Variants in NAV3 observed in about 807,000 individuals in gnomAD.
The protein encoded by NAV3 is pore membrane and/or filament interacting like protein 1.
Under a neutral mutation model 244.7 loss-of-function variants are expected in NAV3, and 87 were observed. That is an observed-to-expected ratio of 0.36 (90% confidence interval 0.30 to 0.42). The LOEUF is 0.42. Among genes scored for constraint, NAV3 ranks in the 20% least tolerant of loss-of-function variants. The probability of loss-of-function intolerance (pLI) is 1.00; values close to 1 mark genes in which losing one functional copy is unlikely to be tolerated. For synonymous variants in NAV3, 1,126 were observed against 1,042.2 expected, an observed-to-expected ratio of 1.08 and a Z score of -1.55; for missense variants, 2,663 against 2,893.3, an observed-to-expected ratio of 0.92 and a Z score of 1.83.
intron 2 of NAV3, among the ~76,000 whole-genome samples, chr12:77,759,925 TCTGCTTGCAG>T (rs1869379475): frequency 6.6e-6 from 1 of 152,382 alleles, no homozygotes; most frequent in East Asian, 1.9e-4. Context: ...GCACTGGGTT[TCTGCTTGCAG>T]CAGATACCCA....
chr12:78,086,487 G>A (rs903093216), intron 12 of NAV3, among the ~76,000 whole-genome samples: 1 of 152,024 alleles, frequency 6.6e-6, no homozygotes. Context: ...TTCCTTGCAA[G>A]AGTATGGCTA....
intron 5 of NAV3, among the ~76,000 whole-genome samples, chr12:77,989,910 A>G (rs1399420633): frequency 6.6e-6 from 1 of 152,182 alleles, no homozygotes; most frequent in African/African-American, 2.4e-5. Flanking sequence ...TCATGGACCC[A>G]TCAATCTGAC....
chr12:77,936,813 A>G (rs1353212625), intron 1 of NAV3, among the ~76,000 whole-genome samples: 2 of 152,174 alleles, frequency 1.3e-5, no homozygotes, highest in Non-Finnish European at 2.9e-5. Context: ...ACGGCATTAC[A>G]GTACATTTAT....
At chr12:78,035,422 T>C (rs1879691906) in intron 9 of NAV3, among the ~76,000 whole-genome samples, 1 of 152,188 alleles carries the variant, frequency 6.6e-6, no homozygotes, top group East Asian at 1.9e-4. Flanking sequence ...TATATTTGTT[T>C]TTTAAAGTTG....
chr12:77,739,561 AAC>A (rs1868290413), intron 2 of NAV3, among the ~76,000 whole-genome samples: 1 of 152,176 alleles, frequency 6.6e-6, no homozygotes, highest in Non-Finnish European at 1.5e-5. Context: ...ATAACAAGAA[AAC>A]AGTTTTTATT....
At chr12:78,007,490 G>A (rs1874445183) in intron 8 of NAV3, 45 bp downstream of exon 8, 2 of 1,544,482 alleles carry the variant, frequency 1.3e-6, no homozygotes, top group Admixed American at 1.8e-5. Flanking sequence ...ATATTTACAG[G>A]CCTACATACT....
chr12:78,025,032 G>A (rs1877790472), intron 9 of NAV3, among the ~76,000 whole-genome samples: 1 of 151,802 alleles, frequency 6.6e-6, no homozygotes, highest in Admixed American at 6.6e-5. Context: ...TTGTCCTCAA[G>A]TACTGTTGTG....
chr12:77,834,838 T>C (rs1324053707), intron 1 of NAV3, among the ~76,000 whole-genome samples: 1 of 151,370 alleles, frequency 6.6e-6, no homozygotes, highest in African/African-American at 2.4e-5. Context: ...AGAATATTTC[T>C]AAATGTTAAA....
intron 5 of NAV3, among the ~76,000 whole-genome samples, chr12:77,969,110 G>A (rs1369648203): frequency 6.6e-6 from 1 of 151,548 alleles, no homozygotes; most frequent in Non-Finnish European, 1.5e-5. Flanking sequence ...GTTAAACATA[G>A]GAGTTTGAAG....
intron 1 of NAV3, among the ~76,000 whole-genome samples, chr12:77,891,714 T>C (rs1883961233): frequency 6.6e-6 from 1 of 152,200 alleles, no homozygotes; most frequent in Non-Finnish European, 1.5e-5. Context: ...GTTTAAGGAC[T>C]TGTACATGAC....
At chr12:77,974,937 C>T (rs144002430) in intron 5 of NAV3, among the ~76,000 whole-genome samples, 205 of 152,282 alleles carry the variant, frequency 1.3e-3, no homozygotes, top group African/African-American at 9.9e-4. Flanking sequence ...TAATAAAATA[C>T]GTTGACCCAC....
intron 2 of NAV3, among the ~76,000 whole-genome samples, chr12:77,647,322 T>G (rs1372897067): frequency 6.6e-6 from 1 of 152,138 alleles, no homozygotes; most frequent in Non-Finnish European, 1.5e-5. Flanking sequence ...TAGAAAGACT[T>G]TAAACGCCTT....
chr12:78,122,480 T>C (rs2138710908), intron 16 of NAV3, 52 bp downstream of exon 16: 2 of 1,507,866 alleles, frequency 1.3e-6, no homozygotes, highest in Non-Finnish European at 8.8e-7. Flanking sequence ...CCCTGCACTA[T>C]GCCTAACCCC....
intron 6 of NAV3, among the ~76,000 whole-genome samples, chr12:77,997,894 T>C (rs1593233520): frequency 6.6e-6 from 1 of 152,348 alleles, no homozygotes; most frequent in Non-Finnish European, 1.5e-5. Context: ...CAAGCAAACT[T>C]ACTATATAAC....
chr12:78,114,848 G>A (rs781617935), intron 12 of NAV3, among the ~76,000 whole-genome samples: 3 of 152,092 alleles, frequency 2.0e-5, no homozygotes, highest in Non-Finnish European at 2.9e-5. Flanking sequence ...AAATATAATT[G>A]TTCTTGATAA....
At chr12:77,718,035 A>G (rs564637692) in intron 2 of NAV3, among the ~76,000 whole-genome samples, 1 of 151,962 alleles carries the variant, frequency 6.6e-6, no homozygotes, top group South Asian at 2.1e-4. Flanking sequence ...TTGCCTTTTT[A>G]CTCTGTTGAT....
At chr12:77,890,229 C>T (rs1432138767) in intron 1 of NAV3, among the ~76,000 whole-genome samples, 5 of 152,076 alleles carry the variant, frequency 3.3e-5, no homozygotes, top group African/African-American at 7.2e-5. Flanking sequence ...GTAGCTGAGA[C>T]GACAGGTGCC....
intron 12 of NAV3, among the ~76,000 whole-genome samples, chr12:78,087,363 A>T (rs1953691974): frequency 6.6e-6 from 1 of 152,040 alleles, no homozygotes; most frequent in Non-Finnish European, 1.5e-5. Flanking sequence ...TTATGTTGGT[A>T]TCCACATGAA....
chr12:78,144,912 CAAAAAAAAAAAAAAAAAAA>C (rs755345560), intron 20 of NAV3: 5 of 66,298 alleles, frequency 7.5e-5, no homozygotes, highest in South Asian at 1.0e-3. Context: ...GATCCTGTCT[CAAAAAAAAAAAAAAAAAAA>C]AAAAAAAAAA....
Sources: gnomAD v4.1 joint callset for allele counts (sites outside exome capture counted in the v4.1 genomes callset) on GRCh38, gnomAD v4.1.1 for gene constraint, MANE v1.5 for transcripts, NCBI Gene and HGNC (gene_info 2026-07-23, HGNC 2026-07-21) for gene names.